CA10: variants seen among roughly 807,000 people sequenced by gnomAD.
CA10 encodes carbonic anhydrase 10 (inactive).
Under a neutral mutation model 44.2 loss-of-function variants are expected in CA10, and 14 were observed. The observed-to-expected ratio is 0.32, with a 90% confidence interval of 0.21 to 0.50. CA10 has a LOEUF of 0.50. Ranked by LOEUF, CA10 falls within the 20% of genes least tolerant of loss-of-function variation. The pLI is 0.99. For synonymous variants in CA10, 159 were observed against 141.6 expected (o/e 1.12, Z -0.87); for missense variants, 350 against 409.7 (o/e 0.85, Z 1.26).
chr17:52,125,937 C>T (rs568558541), intron 1 of CA10, among the ~76,000 whole-genome samples: 5 of 152,210 alleles, frequency 3.3e-5, no homozygotes, highest in Admixed American at 6.5e-5. Context: ...TATCCATTCA[C>T]TCATTCATTC....
rs1266239381 is a variant in CA10, at chr17:51,633,715, A to G, written c.790-65T>C. 8 of 1,548,870 alleles carry G rather than the reference A, an allele frequency of 5.2e-6. No homozygotes were observed. In the Admixed American group the frequency reaches 1.1e-4, roughly 21 times the overall value. On this transcript the variant is annotated intron_variant, in intron 7 of 8. Transcript: ENST00000451037. Reference sequence around the variant, plus strand: ...TTAAATGCACTAGGGAAGAAATAAGACCACAGAGACTCTGGCCAAGCTAGG... The same window carrying G: ...TTAAATGCACTAGGGAAGAAATAAGGCCACAGAGACTCTGGCCAAGCTAGG...
chr17:51,651,015 T>C (rs1455797793), intron 5 of CA10, among the ~76,000 whole-genome samples: 1 of 152,114 alleles, frequency 6.6e-6, no homozygotes, highest in Non-Finnish European at 1.5e-5. Flanking sequence ...GGGTGGGGGA[T>C]TTGTGGAGGA....
At chr17:51,689,917 T>C (rs1198691335) in intron 4 of CA10, among the ~76,000 whole-genome samples, 2 of 152,196 alleles carry the variant, frequency 1.3e-5, no homozygotes, top group East Asian at 3.8e-4. Context: ...TGTATACTTG[T>C]TTGTGGTGAG....
chr17:51,911,002 T>C (rs1178737911), intron 3 of CA10, among the ~76,000 whole-genome samples: 1 of 152,156 alleles, frequency 6.6e-6, no homozygotes, highest in Admixed American at 6.6e-5. Flanking sequence ...GAAAAGAATG[T>C]GGGTGGAAGA....
chr17:51,925,215 T>G (rs935022115), intron 3 of CA10, among the ~76,000 whole-genome samples: 2 of 152,144 alleles, frequency 1.3e-5, no homozygotes, highest in African/African-American at 2.4e-5. Flanking sequence ...TATTCCTGAC[T>G]GTGCCATTAG....
At chr17:51,679,136 A>G (rs1035920863) in intron 4 of CA10, among the ~76,000 whole-genome samples, 1 of 152,158 alleles carries the variant, frequency 6.6e-6, no homozygotes, top group African/African-American at 2.4e-5. Flanking sequence ...ACAGCATCAT[A>G]TGTCAGACTG....
At chr17:52,008,928 C>A (rs1403412368) in intron 2 of CA10, among the ~76,000 whole-genome samples, 2 of 151,956 alleles carry the variant, frequency 1.3e-5, no homozygotes, top group Non-Finnish European at 2.9e-5. Context: ...AGACCATGAG[C>A]TTCTAGAGGA....
chr17:51,646,297 C>T (rs1913333414), intron 6 of CA10, among the ~76,000 whole-genome samples: 1 of 152,156 alleles, frequency 6.6e-6, no homozygotes, highest in East Asian at 1.9e-4. Context: ...GTATGTAAAG[C>T]ATAGACCTTG....
intron 3 of CA10, among the ~76,000 whole-genome samples, chr17:51,906,254 CATTT>C (rs1440108798): frequency 6.6e-6 from 1 of 152,058 alleles, no homozygotes; most frequent in African/African-American, 2.4e-5. Flanking sequence ...ATTCTATATT[CATTT>C]ATCAACCTTC....
intron 2 of CA10, among the ~76,000 whole-genome samples, chr17:52,066,281 C>T (rs910665436): frequency 3.3e-5 from 5 of 152,136 alleles, no homozygotes; most frequent in Non-Finnish European, 7.3e-5. Context: ...GATGTGGGAA[C>T]TTCCTAGAGA....
intron 3 of CA10, among the ~76,000 whole-genome samples, chr17:51,833,535 T>C (rs557409113): frequency 3.9e-5 from 6 of 152,370 alleles, no homozygotes; most frequent in African/African-American, 1.4e-4. Flanking sequence ...TTGATTAATC[T>C]TTAATTAATA....
chr17:52,032,192 A>G (rs896803621), intron 2 of CA10, among the ~76,000 whole-genome samples: 3 of 152,180 alleles, frequency 2.0e-5, no homozygotes, highest in African/African-American at 4.8e-5. Flanking sequence ...GTGATTTTCT[A>G]TTAAACCTAA....
chr17:51,797,850 C>CAAAAA (rs58344941), intron 3 of CA10, among the ~76,000 whole-genome samples: 55 of 73,716 alleles, frequency 7.5e-4, no homozygotes, highest in Admixed American at 1.2e-3. Flanking sequence ...GGCTCCATCT[C>CAAAAA]AAAAAAAAAA....
chr17:51,701,309 C>T (rs1020609095), intron 4 of CA10, among the ~76,000 whole-genome samples: 1 of 152,078 alleles, frequency 6.6e-6, no homozygotes, highest in Non-Finnish European at 1.5e-5. Flanking sequence ...CTCATAAGGA[C>T]ACCAGTTGTT....
chr17:52,157,958 T>C lies in CA10; in HGVS notation c.-172A>G, dbSNP rs1035733051. On this transcript the variant is annotated 5_prime_UTR_variant, in exon 1 of 9. Coordinates refer to ENST00000451037, the MANE Select transcript of CA10 (RefSeq NM_020178.5). ...CACCCCCAAGATCAATATCGCAGTT[T>C]GAATTGTTCCGGCAAATCTCCCCTC... is the stretch of plus-strand genomic sequence containing the variant. 3.5e-5 allele frequency: 23 copies of C among 656,832 alleles called. No individual in the cohort carries two copies. In the African/African-American group the frequency reaches 3.6e-4, roughly 10 times the overall value. 40.7% of individuals were successfully genotyped at this position (656,832 alleles called of 1,614,324 possible).
At chr17:51,986,214 C>A (rs1338099530) in intron 2 of CA10, among the ~76,000 whole-genome samples, 1 of 151,984 alleles carries the variant, frequency 6.6e-6, no homozygotes, top group Non-Finnish European at 1.5e-5. Context: ...ATACTTAAAG[C>A]CAAATGATCT....
chr17:52,159,329 C>A (rs540380476), upstream of CA10: 1 of 152,440 alleles, frequency 6.6e-6, no homozygotes, highest in Admixed American at 6.5e-5. Flanking sequence ...GCCTGCAAGT[C>A]CCTGCCTCCC....
chr17:52,051,130 A>AAAAG (rs1987057882), intron 2 of CA10, among the ~76,000 whole-genome samples: 1 of 151,528 alleles, frequency 6.6e-6, no homozygotes, highest in Admixed American at 6.6e-5. Context: ...AAAAGAAAAG[A>AAAAG]AAGGAAGAAA....
intron 4 of CA10, among the ~76,000 whole-genome samples, chr17:51,696,845 G>A (rs1441801264): frequency 6.6e-6 from 1 of 152,036 alleles, no homozygotes. Flanking sequence ...AAAAGCATAG[G>A]CAGCAAAAAA....
Sources: allele counts gnomAD v4.1 joint callset (sites outside exome capture counted in the v4.1 genomes callset), GRCh38; gene constraint gnomAD v4.1.1; transcripts MANE v1.5; gene names NCBI Gene and HGNC (gene_info 2026-07-23, HGNC 2026-07-21).